Variants in SNTG2 observed in about 807,000 individuals in gnomAD.
SNTG2 encodes syntrophin gamma 2.
A neutral mutation model predicts 70.9 loss-of-function variants in SNTG2; 74 were observed. The ratio of observed to expected loss-of-function variants is 1.04; its 90% CI spans 0.86 to 1.27. The LOEUF (loss-of-function observed/expected upper bound fraction) is 1.27, where lower values mean the gene tolerates loss of function less well. Ranked by LOEUF, SNTG2 falls within the 50% of genes most tolerant of loss-of-function variation. The pLI is 0.00. For missense variants in SNTG2, 717 were observed against 690.7 expected (o/e 1.04, Z -0.43); for synonymous variants, 278 against 273.8 (o/e 1.02, Z -0.15).
intron 1 of SNTG2, among the ~76,000 whole-genome samples, chr2:1,041,289 C>T (rs1010234605): frequency 4.6e-5 from 7 of 152,176 alleles, no homozygotes; most frequent in Non-Finnish European, 8.8e-5. Flanking sequence ...GGAAACTTTG[C>T]TAAGCCCCAA....
chr2:1,012,333 C>A (rs937822954), intron 1 of SNTG2, among the ~76,000 whole-genome samples: 1 of 152,226 alleles, frequency 6.6e-6, no homozygotes, highest in East Asian at 1.9e-4. Context: ...TTCTCTCATC[C>A]TCGGTGCAAG....
intron 16 of SNTG2, among the ~76,000 whole-genome samples, chr2:1,342,216 T>C (rs1176738308): frequency 1.6e-5 from 2 of 121,802 alleles, no homozygotes; most frequent in African/African-American, 3.6e-5. Flanking sequence ...TTCTGGCTTG[T>C]TATGAATTAT....
intron 4 of SNTG2, among the ~76,000 whole-genome samples, chr2:1,126,751 T>C (rs956183431): frequency 9.2e-5 from 14 of 152,168 alleles, no homozygotes; most frequent in Non-Finnish European, 1.9e-4. Context: ...TTTTCATATA[T>C]TTAGTCATTT....
intron 4 of SNTG2, among the ~76,000 whole-genome samples, chr2:1,127,432 C>T (rs1001667066): frequency 1.3e-5 from 2 of 152,054 alleles, no homozygotes; most frequent in Non-Finnish European, 2.9e-5. Context: ...GCTTTGGCTA[C>T]TTGGGGCTTC....
intron 16 of SNTG2, among the ~76,000 whole-genome samples, chr2:1,359,398 G>C (rs1382045995): frequency 6.6e-6 from 1 of 152,062 alleles, no homozygotes; most frequent in Non-Finnish European, 1.5e-5. Context: ...TTTATTTACA[G>C]TTGTTCTATC....
At chr2:1,140,622 G>T (rs1396733199) in intron 6 of SNTG2, among the ~76,000 whole-genome samples, 5 of 152,262 alleles carry the variant, frequency 3.3e-5, no homozygotes, top group Non-Finnish European at 4.4e-5. Flanking sequence ...ACAACAGCCT[G>T]GCAGGGCCAC....
chr2:1,137,992 G>A (rs1386175531), intron 6 of SNTG2, among the ~76,000 whole-genome samples, 183 bp downstream of exon 6: 8 of 152,296 alleles, frequency 5.3e-5, no homozygotes, highest in Non-Finnish European at 8.8e-5. Flanking sequence ...GTCGACTGTT[G>A]TGTGCTGACT....
At chr2:1,322,366 A>AAGTAAACGG in intron 16 of SNTG2, among the ~76,000 whole-genome samples, 1 of 152,136 alleles carries the variant, frequency 6.6e-6, no homozygotes, top group South Asian at 2.1e-4. Context: ...TTAGGGCCCT[A>AAGTAAACGG]GGAGGGAAAA....
chr2:1,195,670 GC>G (rs1672864787), intron 8 of SNTG2, among the ~76,000 whole-genome samples: 1 of 152,102 alleles, frequency 6.6e-6, no homozygotes, highest in South Asian at 2.1e-4. Flanking sequence ...CATTCTGTAG[GC>G]TGCCTGTTCA....
At chr2:1,159,872 A>G (rs1670158012) in intron 6 of SNTG2, among the ~76,000 whole-genome samples, 1 of 152,228 alleles carries the variant, frequency 6.6e-6, no homozygotes, top group Admixed American at 6.5e-5. Flanking sequence ...TTAAAATGCA[A>G]ATATGATTAG....
At chr2:1,182,220 G>T (rs1671952343) in intron 8 of SNTG2, among the ~76,000 whole-genome samples, 2 of 152,110 alleles carry the variant, frequency 1.3e-5, no homozygotes, top group African/African-American at 4.8e-5. Context: ...TGTGGCTTCT[G>T]CTTTAGCTCT....
At chr2:1,308,282 T>C (rs1180510665) in intron 14 of SNTG2, among the ~76,000 whole-genome samples, 1 of 152,098 alleles carries the variant, frequency 6.6e-6, no homozygotes, top group Non-Finnish European at 1.5e-5. Context: ...GCTGGAAATA[T>C]TTGCCTCTTG....
At chr2:962,201 G>A (rs369255944) in intron 1 of SNTG2, among the ~76,000 whole-genome samples, 2 of 152,282 alleles carry the variant, frequency 1.3e-5, no homozygotes, top group East Asian at 1.9e-4. Flanking sequence ...AGCCTCCCGA[G>A]TAGCTGGAAC....
At chr2:1,274,565 AC>A (rs1377951205) in intron 14 of SNTG2, among the ~76,000 whole-genome samples, 1 of 150,802 alleles carries the variant, frequency 6.6e-6, no homozygotes, top group Non-Finnish European at 1.5e-5. Flanking sequence ...CTAAGAACTT[AC>A]CCTTCCACCC....
intron 14 of SNTG2, among the ~76,000 whole-genome samples, chr2:1,278,381 C>T (rs1170760619): frequency 6.6e-6 from 1 of 151,958 alleles, no homozygotes. Flanking sequence ...TCAGTTACTG[C>T]ACCAGGTTGC....
chr2:1,204,599 C>T (rs557875272), intron 8 of SNTG2, among the ~76,000 whole-genome samples: 3 of 152,330 alleles, frequency 2.0e-5, no homozygotes, highest in Admixed American at 6.5e-5. Context: ...ACACACTGCT[C>T]CATCCCCTTA....
At chr2:1,253,757 G>A (rs1677894555) in intron 12 of SNTG2, among the ~76,000 whole-genome samples, 1 of 152,174 alleles carries the variant, frequency 6.6e-6, no homozygotes, top group Admixed American at 6.5e-5. Flanking sequence ...TCCGCAAGCT[G>A]TACAGGAAGC....
chr2:1,130,527 A>T (rs971103285), intron 4 of SNTG2, among the ~76,000 whole-genome samples: 1 of 152,200 alleles, frequency 6.6e-6, no homozygotes, highest in Non-Finnish European at 1.5e-5. Context: ...TTTCTTTTTG[A>T]TACATCATCA....
intron 14 of SNTG2, among the ~76,000 whole-genome samples, chr2:1,307,235 G>A (rs1680729492): frequency 6.8e-6 from 1 of 146,206 alleles, no homozygotes; most frequent in Admixed American, 6.9e-5. Context: ...TGTGTCTGTG[G>A]TGGGTGAGCC....
Sources: gnomAD v4.1 joint callset for allele counts (sites outside exome capture counted in the v4.1 genomes callset) on GRCh38, gnomAD v4.1.1 for gene constraint, MANE v1.5 for transcripts, NCBI Gene and HGNC (gene_info 2026-07-23, HGNC 2026-07-21) for gene names.